The following ARMH3 variants were observed in gnomAD, a reference collection of about 807,000 sequenced individuals.
ARMH3 encodes the protein armadillo-like helical domain-containing protein 3.
ARMH3 carries 60 observed loss-of-function variants against 99.1 expected under a neutral mutation model. The observed-to-expected ratio is 0.61, with a 90% CI of 0.49 to 0.75. ARMH3 has a LOEUF of 0.75. ARMH3 is among the 30% of genes least tolerant of loss of function. The probability of loss-of-function intolerance (pLI) is 0.00; values close to 1 mark genes in which losing one functional copy is unlikely to be tolerated. For missense variants in ARMH3, 679 were observed against 843.1 expected, an observed-to-expected ratio of 0.81 and a Z score of 2.41; for synonymous variants, 285 against 292.8, an observed-to-expected ratio of 0.97 and a Z score of 0.27.
intron 24 of ARMH3, among the ~76,000 whole-genome samples, chr10:101,876,672 G>A (rs1037034208): frequency 4.6e-5 from 7 of 152,158 alleles, no homozygotes; most frequent in African/African-American, 1.7e-4. Context: ...GGCCTCTGAT[G>A]TTACTGTAAT....
intron 1 of ARMH3, among the ~76,000 whole-genome samples, chr10:102,041,493 C>G (rs2067425175): frequency 4.6e-5 from 7 of 152,074 alleles, no homozygotes; most frequent in Admixed American, 4.6e-4. Context: ...TGATCAAAAT[C>G]AAAATTTTGT....
chr10:102,006,029 A>G (rs1459467248), intron 14 of ARMH3, among the ~76,000 whole-genome samples: 1 of 152,254 alleles, frequency 6.6e-6, no homozygotes, highest in Admixed American at 6.5e-5. Context: ...ATTTAGTAGT[A>G]AACAAAATAG....
At position 101,854,641 on chromosome 10, in the gene ARMH3, T is replaced by A. The variant is rs1281976680; in HGVS notation, c.1861-4749A>T. Among the ~76,000 whole-genome samples the A allele has an allele frequency of 2.6e-5, 4 of 152,314 alleles. No homozygotes were observed. In the South Asian group the frequency reaches 8.3e-4, roughly 32 times the overall value. ...TTGGGAAGGCCTAAACATCTGCCCC[T>A]GAAGCCTCTGGAGGTAAGGGGCCTG... On this transcript the variant is annotated intron_variant, in intron 24 of 25. Transcript: ENST00000370033.
intron 20 of ARMH3, among the ~76,000 whole-genome samples, chr10:101,973,366 A>G (rs912811462): frequency 6.6e-6 from 1 of 151,880 alleles, no homozygotes. Context: ...TCTCAAAAAA[A>G]AAAAAAAAAA....
At position 101,975,239 on chromosome 10, in the gene ARMH3, G is replaced by C; in HGVS notation, c.1468C>G (p.His490Asp). ...CYQKKCRVRL[H>D]YTWRELWSAL... ...GACCAGAGCTCCCGCCAGGTGTAAT[G>C]CAGGCGTACCCGACACTTCTTCTGG... Residue 490 changes from histidine (H) to aspartate (D), a missense_variant, in exon 20 of 26, where the codon CAT becomes GAT. His to Asp is a moderately conservative substitution (Grantham distance 81, BLOSUM62 -1). Transcript: ENST00000370033. The C allele has an allele frequency of 6.2e-7, 1 of 1,612,286 alleles. No homozygotes were observed.
At chr10:101,984,845 T>C (rs1353247539) in intron 19 of ARMH3, among the ~76,000 whole-genome samples, 2 of 151,608 alleles carry the variant, frequency 1.3e-5, no homozygotes, top group African/African-American at 4.9e-5. Context: ...ATGAGGCAGG[T>C]CGATCACGAG....
At position 101,991,843 on chromosome 10, in the gene ARMH3, AGGG is replaced by A. The variant is rs1846811132; in HGVS notation, c.1345+123_1345+125del. 12 of 989,842 alleles carry A rather than the reference AGGG, an allele frequency of 1.2e-5. No homozygotes were observed. The East Asian group carries it at 2.9e-4, about 24-fold the overall frequency. The allele number at this position is 989,842 out of a possible 1,614,324, so 61.3% of individuals were successfully genotyped here. On this transcript the variant is annotated intron_variant, in intron 18 of 25. Transcript: ENST00000370033. ...CAACAATAAACATGATTCTTAGGCC[AGGG>A]AAAAAACACAACTAATAATTTATTT...
chr10:102,051,383 G>C (rs777621965), intron 1 of ARMH3, among the ~76,000 whole-genome samples: 1 of 151,148 alleles, frequency 6.6e-6, no homozygotes, highest in Non-Finnish European at 1.5e-5. Flanking sequence ...TGAGGCAGGA[G>C]AATCACTTGA....
At chr10:101,927,876 C>A (rs1590036625) in intron 23 of ARMH3, among the ~76,000 whole-genome samples, 1 of 152,310 alleles carries the variant, frequency 6.6e-6, no homozygotes. Flanking sequence ...AGTTCAAGAC[C>A]AGCCTGGCCA....
At chr10:102,004,064 T>C (rs914744940) in intron 14 of ARMH3, among the ~76,000 whole-genome samples, 4 of 152,178 alleles carry the variant, frequency 2.6e-5, no homozygotes, top group Non-Finnish European at 4.4e-5. Context: ...AACTATCTTA[T>C]ATAATATGTA....
chr10:102,017,985 G>A (rs893192650), intron 8 of ARMH3, among the ~76,000 whole-genome samples: 1 of 152,106 alleles, frequency 6.6e-6, no homozygotes, highest in Non-Finnish European at 1.5e-5. Context: ...AAATCACTAG[G>A]TGAAGATCCA....
At chr10:101,866,887 T>C (rs2067016498) in intron 24 of ARMH3, among the ~76,000 whole-genome samples, 1 of 152,126 alleles carries the variant, frequency 6.6e-6, no homozygotes, top group South Asian at 2.1e-4. Context: ...AGCAAGACCC[T>C]GTCTGTCTGT....
rs542906871 is a variant in ARMH3, at chr10:102,055,032, A to C, written c.-12+1053T>G. ...AAAACAAAACAAACAAACAAACAAAAAAAAAAAGGCCGGGCGCGGTGGCTC... is the reference window on the plus strand; with the variant it reads ...AAAACAAAACAAACAAACAAACAAACAAAAAAAGGCCGGGCGCGGTGGCTC... On this transcript the variant is annotated intron_variant, in intron 1 of 25. Coordinates refer to ENST00000370033, the MANE Select transcript of ARMH3 (RefSeq NM_024541.3). Among the ~76,000 whole-genome samples, 300 of 143,798 alleles carry C rather than the reference A, an allele frequency of 2.1e-3. 1 individual carries two copies. The highest frequency in any genetic ancestry group is 2.2e-3 in the African/African-American group (83 of 38,370). 94.3% of individuals were successfully genotyped at this position (143,798 alleles called of 152,430 possible).
At chr10:101,867,972 C>T (rs2067043114) in intron 24 of ARMH3, among the ~76,000 whole-genome samples, 1 of 144,708 alleles carries the variant, frequency 6.9e-6, no homozygotes, top group Non-Finnish European at 1.5e-5. Flanking sequence ...GACCCTGTTT[C>T]TATTAAAAAA....
chr10:102,025,487 T>C (rs2066980071), intron 5 of ARMH3, among the ~76,000 whole-genome samples: 1 of 152,178 alleles, frequency 6.6e-6, no homozygotes. Context: ...GAAAAATGCT[T>C]TAGAACAGTT....
intron 22 of ARMH3, among the ~76,000 whole-genome samples, chr10:101,947,767 T>C (rs1002667169): frequency 6.6e-6 from 1 of 151,478 alleles, no homozygotes; most frequent in African/African-American, 2.4e-5. Flanking sequence ...GCCATTGCAC[T>C]CCAGCCTGGG....
chr10:101,926,386 C>A (rs1443701614), intron 23 of ARMH3, among the ~76,000 whole-genome samples: 1 of 151,924 alleles, frequency 6.6e-6, no homozygotes, highest in Non-Finnish European at 1.5e-5. Flanking sequence ...GTTGTCCAGG[C>A]TAAACTAGTG....
intron 23 of ARMH3, among the ~76,000 whole-genome samples, chr10:101,919,459 A>G (rs891107978): frequency 2.6e-5 from 4 of 152,154 alleles, no homozygotes; most frequent in Non-Finnish European, 5.9e-5. Flanking sequence ...CGAAGCTCAC[A>G]GCACTTTATA....
chr10:101,993,474 C>A, intron 17 of ARMH3, 64 bp downstream of exon 17: 1 of 1,292,004 alleles, frequency 7.7e-7, no homozygotes, highest in South Asian at 1.3e-5. Context: ...CAATTTCATC[C>A]CAACCCTGCC....
Sources: gnomAD v4.1 joint callset for allele counts (sites outside exome capture counted in the v4.1 genomes callset) on GRCh38, gnomAD v4.1.1 for gene constraint, MANE v1.5 for transcripts, NCBI Gene and HGNC (gene_info 2026-07-23, HGNC 2026-07-21) for gene names.